Variants in ADGRL3 observed in about 807,000 individuals in gnomAD.
ADGRL3 encodes the protein calcium-independent alpha-latrotoxin receptor 3.
Under a neutral mutation model 153.5 loss-of-function variants are expected in ADGRL3, and 62 were observed. That is an observed-to-expected ratio of 0.40 (90% CI 0.33 to 0.50). ADGRL3 has a LOEUF of 0.50. Ranked by LOEUF, ADGRL3 falls within the 20% of genes least tolerant of loss-of-function variation. The pLI is 0.47. For missense variants in ADGRL3, 1,641 were observed against 1,859.4 expected (o/e 0.88, Z 2.16); for synonymous variants, 710 against 672.5 (o/e 1.06, Z -0.86).
intron 8 of ADGRL3, among the ~76,000 whole-genome samples, chr4:61,802,587 T>C (rs2097511191): frequency 6.6e-6 from 1 of 152,106 alleles, no homozygotes; most frequent in Non-Finnish European, 1.5e-5. Flanking sequence ...CAGGGAACAA[T>C]CTGATTGTGC....
intron 2 of ADGRL3, among the ~76,000 whole-genome samples, chr4:61,479,982 A>G (rs2098114846): frequency 6.6e-6 from 1 of 152,128 alleles, no homozygotes; most frequent in South Asian, 2.1e-4. Flanking sequence ...CAAGCTAGTT[A>G]ACATGTTCAT....
chr4:61,272,564 C>G (rs1480204802), intron 1 of ADGRL3, among the ~76,000 whole-genome samples: 1 of 151,750 alleles, frequency 6.6e-6, no homozygotes, highest in Non-Finnish European at 1.5e-5. Flanking sequence ...TTAGAAATGC[C>G]CTATTCTAAC....
At chr4:61,357,529 T>C (rs1020162423) in intron 1 of ADGRL3, among the ~76,000 whole-genome samples, 2 of 152,146 alleles carry the variant, frequency 1.3e-5, no homozygotes, top group African/African-American at 4.8e-5. Context: ...TAAAATTACA[T>C]AGTTGTAATA....
chr4:61,434,359 G>A (rs2097417039), intron 2 of ADGRL3, among the ~76,000 whole-genome samples: 1 of 152,096 alleles, frequency 6.6e-6, no homozygotes, highest in African/African-American at 2.4e-5. Context: ...AACGCTTTCT[G>A]GAATTTTGAC....
intron 2 of ADGRL3, among the ~76,000 whole-genome samples, chr4:61,384,529 A>G (rs1482034096): frequency 6.6e-6 from 1 of 151,590 alleles, no homozygotes; most frequent in African/African-American, 2.4e-5. Context: ...CTTTTTTGGC[A>G]AGTTAAATTC....
chr4:61,363,972 T>G (rs2096342746), intron 1 of ADGRL3, among the ~76,000 whole-genome samples: 1 of 152,074 alleles, frequency 6.6e-6, no homozygotes, highest in Admixed American at 6.6e-5. Context: ...TAATCTGTGA[T>G]AAATAATTGG....
At chr4:61,804,262 A>G (rs1452531058) in intron 8 of ADGRL3, among the ~76,000 whole-genome samples, 3 of 152,074 alleles carry the variant, frequency 2.0e-5, no homozygotes, top group African/African-American at 7.2e-5. Flanking sequence ...AACTTCCCAC[A>G]TTCAGGTCTT....
intron 4 of ADGRL3, among the ~76,000 whole-genome samples, chr4:61,582,235 G>A (rs1189138367): frequency 6.6e-6 from 1 of 151,956 alleles, no homozygotes; most frequent in Non-Finnish European, 1.5e-5. Context: ...ATGCAGGTCT[G>A]TTACATAGGT....
At chr4:61,372,126 T>G (rs1409896748) in intron 1 of ADGRL3, among the ~76,000 whole-genome samples, 1 of 152,044 alleles carries the variant, frequency 6.6e-6, no homozygotes, top group Admixed American at 6.5e-5. Context: ...TAGTTATACA[T>G]TCTTCTAAAT....
chr4:62,044,769 AT>A (rs928475666), intron 25 of ADGRL3, among the ~76,000 whole-genome samples: 1 of 152,050 alleles, frequency 6.6e-6, no homozygotes, highest in Non-Finnish European at 1.5e-5. Context: ...AAATTAGAAA[AT>A]AAAAAACTTT....
chr4:61,554,384 C>T (rs1040190141), intron 4 of ADGRL3, among the ~76,000 whole-genome samples: 6 of 151,762 alleles, frequency 4.0e-5, no homozygotes, highest in Non-Finnish European at 8.8e-5. Context: ...TTAGTAGATA[C>T]GGGGTTTCAC....
intron 1 of ADGRL3, among the ~76,000 whole-genome samples, chr4:61,340,156 G>A (rs1227819058): frequency 6.6e-6 from 1 of 152,116 alleles, no homozygotes; most frequent in Non-Finnish European, 1.5e-5. Context: ...GACAGGACAT[G>A]CATCAGAGTC....
chr4:61,770,045 A>G (rs536774634), intron 8 of ADGRL3, among the ~76,000 whole-genome samples: 9 of 152,358 alleles, frequency 5.9e-5, no homozygotes, highest in Admixed American at 5.2e-4. Flanking sequence ...CTAAATATAC[A>G]TAGCCATACA....
intron 4 of ADGRL3, among the ~76,000 whole-genome samples, chr4:61,569,042 G>T (rs971119944): frequency 1.3e-5 from 2 of 152,100 alleles, no homozygotes; most frequent in Non-Finnish European, 2.9e-5. Context: ...TTTGTTTCGA[G>T]AGACTTTTTT....
At chr4:61,335,729 A>G (rs1240947363) in intron 1 of ADGRL3, among the ~76,000 whole-genome samples, 1 of 152,200 alleles carries the variant, frequency 6.6e-6, no homozygotes, top group East Asian at 1.9e-4. Context: ...AGGACAATTT[A>G]TGAGGTGAAT....
chr4:61,972,144 A>T (rs1195475064), intron 17 of ADGRL3, among the ~76,000 whole-genome samples: 1 of 152,054 alleles, frequency 6.6e-6, no homozygotes, highest in Non-Finnish European at 1.5e-5. Context: ...TTTGCTGTGC[A>T]GAAGCTCTTT....
chr4:62,064,240 TTTC>T (rs1427551454), intron 25 of ADGRL3, among the ~76,000 whole-genome samples: 14 of 152,136 alleles, frequency 9.2e-5, no homozygotes, highest in African/African-American at 3.1e-4. Flanking sequence ...AAAATTGCTT[TTTC>T]TTCTGTGGCT....
At chr4:62,033,597 T>C (rs888467005) in intron 23 of ADGRL3, among the ~76,000 whole-genome samples, 1 of 151,596 alleles carries the variant, frequency 6.6e-6, no homozygotes, top group Non-Finnish European at 1.5e-5. Context: ...AAGAAAGCCA[T>C]AACTGATGCT....
At chr4:61,501,277 T>C (rs2098383826) in intron 3 of ADGRL3, among the ~76,000 whole-genome samples, 1 of 152,196 alleles carries the variant, frequency 6.6e-6, no homozygotes, top group Non-Finnish European at 1.5e-5. Context: ...AACCTAAAAA[T>C]GTGTAGCTTA....
Sources: allele counts gnomAD v4.1 joint callset (sites outside exome capture counted in the v4.1 genomes callset), GRCh38; gene constraint gnomAD v4.1.1; transcripts MANE v1.5; gene names NCBI Gene and HGNC (gene_info 2026-07-23, HGNC 2026-07-21).